PTPRT: variants seen among roughly 807,000 people sequenced by gnomAD.
PTPRT encodes the protein protein tyrosine phosphatase receptor type T, also known as receptor-type tyrosine-protein phosphatase T.
Under a neutral mutation model 176.8 loss-of-function variants are expected in PTPRT, and 56 were observed. The ratio of observed to expected loss-of-function variants is 0.32; its 90% CI spans 0.26 to 0.40. PTPRT has a LOEUF of 0.40. Among genes scored for constraint, PTPRT ranks in the 10% least tolerant of loss-of-function variants. The pLI, the probability that PTPRT is intolerant of heterozygous loss-of-function variation, is 1.00. For synonymous variants in PTPRT, 783 were observed against 739.0 expected (o/e 1.06, Z -0.96); for missense variants, 1,540 against 1,908.2 (o/e 0.81, Z 3.60).
intron 1 of PTPRT, among the ~76,000 whole-genome samples, chr20:42,985,531 A>G (rs1207032957): frequency 1.3e-5 from 2 of 152,118 alleles, no homozygotes; most frequent in Non-Finnish European, 1.5e-5. Flanking sequence ...TACAGTGGCC[A>G]ACAGAACAGA....
intron 19 of PTPRT, among the ~76,000 whole-genome samples, chr20:42,127,313 T>C (rs116686331): frequency 0.013 from 1,979 of 152,006 alleles, 55 homozygotes; most frequent in African/African-American, 0.044. Context: ...ACTGCTGGAG[T>C]TGCTGCCCAA....
At chr20:42,388,037 C>T (rs141788792) in intron 9 of PTPRT, among the ~76,000 whole-genome samples, 3,261 of 152,228 alleles carry the variant, frequency 0.021, 131 homozygotes, top group African/African-American at 0.075. Flanking sequence ...TGATCCCCCA[C>T]CTTGGCCTCC....
chr20:42,938,192 G>T (rs1980315017), intron 1 of PTPRT, among the ~76,000 whole-genome samples: 1 of 152,190 alleles, frequency 6.6e-6, no homozygotes, highest in Non-Finnish European at 1.5e-5. Context: ...TTTTGAGGGG[G>T]AAGGTTGGGT....
rs1356270202 is a variant in PTPRT, at chr20:42,073,600, G to A, written c.*7279C>T. On this transcript the variant is annotated 3_prime_UTR_variant, in exon 31 of 31. Transcript: ENST00000373187. Reference sequence around the variant, plus strand: ...CTGAGTTATGGCTGCTCTCATGAGAGATCTACATGGGTATTGGGTCTATGG... The same window carrying A: ...CTGAGTTATGGCTGCTCTCATGAGAAATCTACATGGGTATTGGGTCTATGG... 1.4e-5 allele frequency: 3 copies of A among 221,880 alleles called. No homozygotes were observed. In the East Asian group the frequency reaches 2.0e-4, roughly 15 times the overall value. 13.7% of individuals were successfully genotyped at this position (221,880 alleles called of 1,614,324 possible).
At chr20:42,402,541 T>G (rs371824070) in intron 9 of PTPRT, among the ~76,000 whole-genome samples, 174 of 149,230 alleles carry the variant, frequency 1.2e-3, no homozygotes, top group African/African-American at 3.9e-3. Context: ...GACTTCAGTA[T>G]TGAGCCAGTT....
intron 9 of PTPRT, among the ~76,000 whole-genome samples, chr20:42,401,702 G>GC (rs762824225): frequency 6.6e-5 from 10 of 152,098 alleles, no homozygotes; most frequent in Non-Finnish European, 8.8e-5. Context: ...AGAGAGGATG[G>GC]CATGTTGCAA....
intron 9 of PTPRT, among the ~76,000 whole-genome samples, chr20:42,442,896 C>T (rs550379360): frequency 3.3e-5 from 5 of 152,258 alleles, no homozygotes; most frequent in Admixed American, 2.0e-4. Context: ...TCCGCAATTG[C>T]GACGGTCTGT....
chr20:42,089,840 G>A (rs1984422627), intron 27 of PTPRT, among the ~76,000 whole-genome samples: 1 of 152,168 alleles, frequency 6.6e-6, no homozygotes, highest in Non-Finnish European at 1.5e-5. Flanking sequence ...GGGGGGCCAT[G>A]TTTTCTCTTC....
chr20:43,133,540 T>C (rs1568804437), intron 1 of PTPRT, among the ~76,000 whole-genome samples: 3 of 152,082 alleles, frequency 2.0e-5, no homozygotes, highest in Non-Finnish European at 4.4e-5. Context: ...GGTCAGGAGA[T>C]TGAGACCATC....
At chr20:42,458,600 C>T (rs2070963487) in intron 8 of PTPRT, among the ~76,000 whole-genome samples, 1 of 152,106 alleles carries the variant, frequency 6.6e-6, no homozygotes, top group Non-Finnish European at 1.5e-5. Context: ...TCTAGGGTAG[C>T]CTAGAGATCA....
chr20:42,954,159 C>A (rs190118273), intron 1 of PTPRT, among the ~76,000 whole-genome samples: 3 of 152,062 alleles, frequency 2.0e-5, no homozygotes, highest in Non-Finnish European at 4.4e-5. Context: ...CTGGTCTCAG[C>A]GAGACTAACT....
At chr20:42,215,989 T>C (rs764110046) in intron 15 of PTPRT, among the ~76,000 whole-genome samples, 1 of 152,210 alleles carries the variant, frequency 6.6e-6, no homozygotes. Flanking sequence ...AAAGCCTGTA[T>C]GTGGATAGAT....
intron 1 of PTPRT, among the ~76,000 whole-genome samples, chr20:43,105,351 G>A (rs759678246): frequency 5.6e-4 from 84 of 151,216 alleles, no homozygotes; most frequent in Non-Finnish European, 1.0e-3. Context: ...CCTTCATAGG[G>A]ACCAATAGCT....
chr20:42,066,375 T>G, the PTPRT span, among the ~76,000 whole-genome samples: 1 of 152,182 alleles, frequency 6.6e-6, no homozygotes, highest in Non-Finnish European at 1.5e-5. Flanking sequence ...ATGGGGGTCA[T>G]TAATGATTTT....
At chr20:42,214,953 T>C (rs1032630253) in intron 15 of PTPRT, among the ~76,000 whole-genome samples, 14 of 152,254 alleles carry the variant, frequency 9.2e-5, no homozygotes, top group South Asian at 2.1e-4. Flanking sequence ...CAGTTTTCTC[T>C]TCTGTCAAAT....
chr20:42,880,851 A>G (rs2079001745), intron 2 of PTPRT, among the ~76,000 whole-genome samples: 1 of 152,110 alleles, frequency 6.6e-6, no homozygotes, highest in Non-Finnish European at 1.5e-5. Context: ...TTAGGTTGAC[A>G]CAAAAGTAGT....
intron 11 of PTPRT, among the ~76,000 whole-genome samples, chr20:42,338,135 T>C (rs1286997707): frequency 6.6e-6 from 1 of 152,238 alleles, no homozygotes; most frequent in Non-Finnish European, 1.5e-5. Flanking sequence ...AAACTATAAT[T>C]AGGAATTCTT....
intron 7 of PTPRT, among the ~76,000 whole-genome samples, chr20:42,562,236 G>A (rs2072964281): frequency 1.3e-5 from 2 of 152,228 alleles, no homozygotes; most frequent in East Asian, 3.9e-4. Context: ...CAGCCCTCCA[G>A]AATTATCTTG....
chr20:42,817,096 T>C (rs1285603454), intron 2 of PTPRT, among the ~76,000 whole-genome samples: 1 of 152,156 alleles, frequency 6.6e-6, no homozygotes, highest in Non-Finnish European at 1.5e-5. Context: ...AAAGTAAACA[T>C]TTACTATAAC....
Sources: gnomAD v4.1 joint callset for allele counts (sites outside exome capture counted in the v4.1 genomes callset) on GRCh38, gnomAD v4.1.1 for gene constraint, MANE v1.5 for transcripts, NCBI Gene and HGNC (gene_info 2026-07-23, HGNC 2026-07-21) for gene names.